CFAP54: variants seen among roughly 807,000 people sequenced by gnomAD.
CFAP54 encodes the protein cilia- and flagella-associated protein 54.
CFAP54 carries 290 observed loss-of-function variants against 370.4 expected under a neutral mutation model. The ratio of observed to expected loss-of-function variants is 0.78; its 90% confidence interval spans 0.71 to 0.86. The LOEUF (loss-of-function observed/expected upper bound fraction) is 0.86. Among genes scored for constraint, CFAP54 ranks in the 40% least tolerant of loss-of-function variants. The pLI, the probability that CFAP54 is intolerant of heterozygous loss-of-function variation, is 0.00. For missense variants in CFAP54, 3,399 were observed against 3,528.7 expected (o/e 0.96, Z 0.93); for synonymous variants, 1,206 against 1,236.5 (o/e 0.98, Z 0.52).
In CFAP54 at chr12:96,651,710, T is replaced by G; in HGVS notation, c.4995T>G (p.Pro1665=). ...KQAVDLDKTF[P]ISQDGFLCTS... ...CAGTGGATCTTGATAAAACATTTCC[T>G]ATTAGCCAAGATGGTTTCCTCTGCA... The change falls in exon 36 of 68, where the codon CCT becomes CCG. Residue 1665 remains proline (P), a synonymous_variant. Transcript: ENST00000524981. 6.2e-7 allele frequency: 1 copy of G among 1,613,982 alleles called. No individual in the cohort carries two copies.
intron 58 of CFAP54, among the ~76,000 whole-genome samples, chr12:96,761,516 A>G (rs1045066119): frequency 2.1e-4 from 28 of 131,390 alleles, no homozygotes; most frequent in Admixed American, 3.9e-4. Context: ...TCTTTTATAG[A>G]TTGTGGGGTT....
At chr12:96,520,019 T>A (rs904383214) in intron 6 of CFAP54, among the ~76,000 whole-genome samples, 1 of 152,152 alleles carries the variant, frequency 6.6e-6, no homozygotes, top group Non-Finnish European at 1.5e-5. Context: ...CACTTTGTTT[T>A]TCTTTTGTTT....
intron 63 of CFAP54, among the ~76,000 whole-genome samples, chr12:96,802,365 G>A (rs780215910): frequency 2.0e-4 from 30 of 152,048 alleles, no homozygotes; most frequent in African/African-American, 6.8e-4. Flanking sequence ...CTCTTGGGCC[G>A]AGTTCAAGGC....
chr12:96,799,853 A>C (rs995670021), intron 63 of CFAP54, among the ~76,000 whole-genome samples: 3 of 152,212 alleles, frequency 2.0e-5, no homozygotes, highest in Non-Finnish European at 4.4e-5. Flanking sequence ...TTTAAAAAGA[A>C]ATGAAACACA....
chr12:96,769,862 A>C (rs1009368037), intron 60 of CFAP54, among the ~76,000 whole-genome samples: 5 of 152,324 alleles, frequency 3.3e-5, no homozygotes, highest in Admixed American at 3.3e-4. Context: ...ATACAAAAAG[A>C]GATCTATGGA....
At chr12:96,642,712 C>T (rs1036802385) in intron 32 of CFAP54, among the ~76,000 whole-genome samples, 4 of 152,086 alleles carry the variant, frequency 2.6e-5, no homozygotes, top group African/African-American at 4.8e-5. Flanking sequence ...TTTTTTAATT[C>T]GGGTGTTTAT....
chr12:96,557,272 A>G lies in CFAP54; in HGVS notation c.2410+2470A>G, dbSNP rs557244944. Among the ~76,000 whole-genome samples, 207 of 152,336 alleles carry G rather than the reference A, an allele frequency of 1.4e-3. 1 individual carries two copies. Among genetic ancestry groups the G allele is most frequent in the Middle Eastern group, 0.01 (3 of 294 alleles). ...GGCAATTTACTAACGATTAGCATGA[A>G]CAATGTACAAAAATTCCAAAACATC... On this transcript the variant is annotated intron_variant, in intron 17 of 67. Coordinates refer to ENST00000524981, the MANE Select transcript of CFAP54 (RefSeq NM_001306084.2).
intron 66 of CFAP54, among the ~76,000 whole-genome samples, chr12:96,852,255 GATAA>G (rs1959566631): frequency 6.6e-6 from 1 of 152,058 alleles, no homozygotes; most frequent in Admixed American, 6.5e-5. Flanking sequence ...TGTAAGTATA[GATAA>G]ATAGAGTTAG....
At chr12:96,622,340 C>T (rs564604934) in intron 27 of CFAP54, among the ~76,000 whole-genome samples, 110 of 128,738 alleles carry the variant, frequency 8.5e-4, no homozygotes, top group Non-Finnish European at 1.6e-3. Context: ...CCCTCCCTCC[C>T]TCTCTCTCTC....
chr12:96,743,663 A>G, intron 53 of CFAP54, 68 bp from the exon 54 acceptor site: 1 of 1,560,988 alleles, frequency 6.4e-7, no homozygotes, highest in Non-Finnish European at 8.7e-7. Flanking sequence ...ATAACAATTA[A>G]CATGTCCAGC....
chr12:96,567,525 C>G (rs751379662), intron 19 of CFAP54, among the ~76,000 whole-genome samples: 54 of 151,990 alleles, frequency 3.6e-4, no homozygotes, highest in Admixed American at 3.3e-3. Context: ...TGGAAGACTT[C>G]GGGGTTGTGT....
At chr12:96,861,309 T>C (rs1184914626) in intron 67 of CFAP54, among the ~76,000 whole-genome samples, 1 of 152,204 alleles carries the variant, frequency 6.6e-6, no homozygotes, top group African/African-American at 2.4e-5. Context: ...CATTTGACAG[T>C]GTCTGGAGAC....
chr12:96,757,650 C>A, intron 58 of CFAP54, 62 bp downstream of exon 58: 1 of 918,374 alleles, frequency 1.1e-6, no homozygotes, highest in Admixed American at 2.4e-5. Flanking sequence ...ATTTTGGTAA[C>A]ACTGTGCTAT....
intron 19 of CFAP54, among the ~76,000 whole-genome samples, chr12:96,570,132 T>C (rs1165515707): frequency 6.6e-6 from 1 of 151,820 alleles, no homozygotes; most frequent in African/African-American, 2.4e-5. Flanking sequence ...CATGCTACCA[T>C]GCCTGGCTGT....
chr12:96,500,029 T>A (rs138522836), intron 1 of CFAP54, among the ~76,000 whole-genome samples: 181 of 152,292 alleles, frequency 1.2e-3, no homozygotes, highest in African/African-American at 3.9e-3. Flanking sequence ...TATTCATAAT[T>A]GCCAAAACTT....
Position 96,783,648 on chromosome 12 carries a change from A to G in CFAP54, c.8282-1069A>G, listed in dbSNP as rs887789287. Among the ~76,000 whole-genome samples, 14 of 152,232 alleles carry G rather than the reference A, an allele frequency of 9.2e-5. 1 individual carries two copies. The highest frequency in any genetic ancestry group is 9.2e-4 in the Admixed American group (14 of 15,278). On this transcript the variant is annotated intron_variant, in intron 60 of 67. Coordinates refer to ENST00000524981, the MANE Select transcript of CFAP54 (RefSeq NM_001306084.2). ...ATGCCTGTAATCCCAGCATTTTGGA[A>G]GGCCGAGGCAGGTGAATCACCTGAG...
At chr12:96,841,726 C>G (rs947672765) in intron 66 of CFAP54, among the ~76,000 whole-genome samples, 3 of 152,176 alleles carry the variant, frequency 2.0e-5, no homozygotes, top group Non-Finnish European at 2.9e-5. Flanking sequence ...CAGTTTCGCC[C>G]TTGCGAACAA....
chr12:96,610,530 A>G (rs1956346683), intron 26 of CFAP54, among the ~76,000 whole-genome samples: 1 of 152,006 alleles, frequency 6.6e-6, no homozygotes, highest in Admixed American at 6.6e-5. Flanking sequence ...GGTTCATCTC[A>G]CTGGGGCTTG....
At chr12:96,680,216 C>G (rs2136548171) in intron 40 of CFAP54, among the ~76,000 whole-genome samples, 1 of 152,264 alleles carries the variant, frequency 6.6e-6, no homozygotes, top group East Asian at 1.9e-4. Context: ...AGATTTTGCT[C>G]TTAGGGCTTT....
Sources: gnomAD v4.1 joint callset for allele counts (sites outside exome capture counted in the v4.1 genomes callset) on GRCh38, gnomAD v4.1.1 for gene constraint, MANE v1.5 for transcripts, NCBI Gene and HGNC (gene_info 2026-07-23, HGNC 2026-07-21) for gene names.